The following AGBL4 variants were observed in gnomAD, a reference collection of about 807,000 sequenced individuals.
AGBL4 encodes AGBL carboxypeptidase 4.
Under a neutral mutation model 66.4 loss-of-function variants are expected in AGBL4, and 58 were observed. The ratio of observed to expected loss-of-function variants is 0.87; its 90% CI spans 0.71 to 1.09. The LOEUF (loss-of-function observed/expected upper bound fraction) is 1.09, where lower values mean the gene tolerates loss of function less well. AGBL4 is among the 50% of genes least tolerant of loss of function. The probability of loss-of-function intolerance (pLI) is 0.00; values close to 1 mark genes in which losing one functional copy is unlikely to be tolerated. For missense variants in AGBL4, 579 were observed against 631.0 expected, an observed-to-expected ratio of 0.92 and a Z score of 0.88; for synonymous variants, 234 against 222.9, an observed-to-expected ratio of 1.05 and a Z score of -0.44.
chr1:48,652,002 T>C (rs1274349215), intron 8 of AGBL4, among the ~76,000 whole-genome samples: 2 of 152,134 alleles, frequency 1.3e-5, no homozygotes, highest in Non-Finnish European at 2.9e-5. Flanking sequence ...TCCAGTAGCT[T>C]TAAGTACAGT....
chr1:48,865,070 A>G (rs909296947), intron 6 of AGBL4, among the ~76,000 whole-genome samples: 2 of 152,020 alleles, frequency 1.3e-5, no homozygotes, highest in Non-Finnish European at 2.9e-5. Flanking sequence ...ATCACACTGC[A>G]GTTCTGTTGT....
intron 3 of AGBL4, among the ~76,000 whole-genome samples, chr1:49,452,606 T>A (rs1646302306): frequency 6.6e-6 from 1 of 151,902 alleles, no homozygotes; most frequent in African/African-American, 2.4e-5. Flanking sequence ...ATCTTCTATA[T>A]CTTTCTCATT....
At chr1:49,735,691 G>A (rs1365087960) in intron 2 of AGBL4, among the ~76,000 whole-genome samples, 1 of 151,990 alleles carries the variant, frequency 6.6e-6, no homozygotes, top group African/African-American at 2.4e-5. Flanking sequence ...GAAATACACA[G>A]GAGACTATCA....
intron 2 of AGBL4, among the ~76,000 whole-genome samples, chr1:49,762,393 G>A (rs568948535): frequency 2.8e-4 from 43 of 151,614 alleles, no homozygotes; most frequent in Non-Finnish European, 5.2e-4. Flanking sequence ...TGTCTATTAA[G>A]GTTTTCTTCT....
At chr1:49,971,777 T>C (rs1658103880) in intron 1 of AGBL4, among the ~76,000 whole-genome samples, 1 of 151,908 alleles carries the variant, frequency 6.6e-6, no homozygotes, top group Non-Finnish European at 1.5e-5. Flanking sequence ...ACTAAGCCTA[T>C]ATGAAGACTT....
chr1:49,338,271 A>C (rs904504080), intron 3 of AGBL4, among the ~76,000 whole-genome samples: 2 of 152,208 alleles, frequency 1.3e-5, no homozygotes, highest in African/African-American at 2.4e-5. Context: ...ACACTTTCTC[A>C]TGCTGTTCAT....
At chr1:48,726,977 C>T (rs1341755285) in intron 6 of AGBL4, among the ~76,000 whole-genome samples, 2 of 152,216 alleles carry the variant, frequency 1.3e-5, no homozygotes, top group African/African-American at 4.8e-5. Flanking sequence ...AGCCCTTGCC[C>T]TTTCTAATAT....
chr1:48,702,116 T>C (rs1475632062), intron 6 of AGBL4, among the ~76,000 whole-genome samples: 1 of 152,188 alleles, frequency 6.6e-6, no homozygotes, highest in African/African-American at 2.4e-5. Context: ...GAAAACACTT[T>C]ACTTCCTGCA....
intron 4 of AGBL4, among the ~76,000 whole-genome samples, chr1:49,222,916 T>C (rs1344937546): frequency 6.6e-6 from 1 of 152,126 alleles, no homozygotes; most frequent in Non-Finnish European, 1.5e-5. Flanking sequence ...AGGGAAGACC[T>C]ATATCCTCAA....
intron 1 of AGBL4, among the ~76,000 whole-genome samples, chr1:49,872,131 T>A (rs1383489846): frequency 6.6e-6 from 1 of 152,116 alleles, no homozygotes; most frequent in Admixed American, 6.6e-5. Flanking sequence ...ATTTGCTAAT[T>A]CTTTTTTTGT....
At chr1:48,549,317 T>C (rs1644214453) in intron 11 of AGBL4, among the ~76,000 whole-genome samples, 1 of 152,228 alleles carries the variant, frequency 6.6e-6, no homozygotes, top group Non-Finnish European at 1.5e-5. Context: ...CCTCCCACAG[T>C]GTCAGACAAG....
intron 3 of AGBL4, among the ~76,000 whole-genome samples, chr1:49,567,239 T>TTTCCTAG (rs1312647163): frequency 1.3e-4 from 20 of 152,358 alleles, no homozygotes; most frequent in Non-Finnish European, 2.2e-4. Context: ...CCCTGACCCC[T>TTTCCTAG]TGCACTTTCC....
In AGBL4 at chr1:49,851,456, T is replaced by C. The variant is rs1342093095; in HGVS notation, c.97A>G (p.Thr33Ala). 3 of 1,550,508 alleles carry C rather than the reference T, an allele frequency of 1.9e-6. No homozygotes were observed. Among genetic ancestry groups the C allele is most frequent in the Admixed American group, 2.0e-5 (1 of 50,900 alleles). The change falls in exon 2 of 14, where the codon ACT becomes GCT. Residue 33 changes from threonine (T) to alanine (A), a missense_variant. Transcript: ENST00000371839. ...TTCTTGGGCTGTCCACAATAGCCAGTTGGAAGCACTATATATTTGCTCACA... is the reference window on the plus strand; with the variant it reads ...TTCTTGGGCTGTCCACAATAGCCAGCTGGAAGCACTATATATTTGCTCACA... ...GNVSKYIVLP[T>A]GYCGQPKKGH...
intron 2 of AGBL4, among the ~76,000 whole-genome samples, chr1:49,728,283 A>G (rs564536353): frequency 2.0e-4 from 31 of 152,348 alleles, no homozygotes; most frequent in Admixed American, 5.9e-4. Flanking sequence ...CAGAAAGATA[A>G]TAGAGAGCTG....
chr1:49,646,792 T>G (rs1645897871), intron 3 of AGBL4, among the ~76,000 whole-genome samples: 1 of 151,980 alleles, frequency 6.6e-6, no homozygotes, highest in South Asian at 2.1e-4. Flanking sequence ...TCCTACAATA[T>G]TCAAAGCAGT....
chr1:49,149,798 G>T (rs758825835), intron 4 of AGBL4, among the ~76,000 whole-genome samples: 1 of 152,118 alleles, frequency 6.6e-6, no homozygotes, highest in Non-Finnish European at 1.5e-5. Context: ...TTACAAATAT[G>T]CCCCAAAAAG....
chr1:49,160,555 A>G (rs1646520415), intron 4 of AGBL4, among the ~76,000 whole-genome samples: 1 of 151,992 alleles, frequency 6.6e-6, no homozygotes. Flanking sequence ...AGGCAGTCTG[A>G]CCCTTAGCAG....
At chr1:49,277,426 G>A (rs1393595187) in intron 3 of AGBL4, among the ~76,000 whole-genome samples, 1 of 152,040 alleles carries the variant, frequency 6.6e-6, no homozygotes, top group Admixed American at 6.6e-5. Context: ...TGATTTATTT[G>A]TTAAATGAAG....
At chr1:49,442,211 CACAATCTT>C (rs1233509897) in intron 3 of AGBL4, among the ~76,000 whole-genome samples, 1 of 152,094 alleles carries the variant, frequency 6.6e-6, no homozygotes, top group Admixed American at 6.5e-5. Flanking sequence ...AGATATTAAA[CACAATCTT>C]ACCTCAAAAG....
Sources: gnomAD v4.1 joint callset for allele counts (sites outside exome capture counted in the v4.1 genomes callset) on GRCh38, gnomAD v4.1.1 for gene constraint, MANE v1.5 for transcripts, NCBI Gene and HGNC (gene_info 2026-07-23, HGNC 2026-07-21) for gene names.